Variants in HPN observed in about 807,000 individuals in gnomAD.
HPN encodes serine protease hepsin.
In HPN, 13 loss-of-function variants were observed where a neutral mutation model predicts 55.9. The observed-to-expected ratio is 0.23, with a 90% CI of 0.15 to 0.37. The LOEUF (loss-of-function observed/expected upper bound fraction) is 0.37, where lower values mean the gene tolerates loss of function less well. Ranked by LOEUF, HPN falls within the 10% of genes least tolerant of loss-of-function variation. The pLI is 1.00. For synonymous variants in HPN, 225 were observed against 240.3 expected (o/e 0.94, Z 0.59); for missense variants, 451 against 575.8 (o/e 0.78, Z 2.22).
intron 2 of HPN, among the ~76,000 whole-genome samples, chr19:35,045,347 C>G (rs975867397): frequency 6.6e-6 from 1 of 152,042 alleles, no homozygotes; most frequent in Non-Finnish European, 1.5e-5. Context: ...CGCCTGGTGT[C>G]CCAGAAGTCC....
At chr19:35,043,540 T>A (rs1600375824) in intron 2 of HPN, among the ~76,000 whole-genome samples, 1 of 152,320 alleles carries the variant, frequency 6.6e-6, no homozygotes, top group East Asian at 1.9e-4. Flanking sequence ...TGACAGTGCA[T>A]GTCCAACAGC....
In HPN at chr19:35,041,750, C is replaced by G; in HGVS notation, c.-177C>G. ...AGGCAGCCTGGCCTAGCAGGCCCCA[C>G]GCCACCGCCTCTGCCTCCAGGCCGC... On this transcript the variant is annotated 5_prime_UTR_variant, in exon 1 of 13. Coordinates refer to ENST00000672452, the MANE Select transcript of HPN (RefSeq NM_001384133.1). 3.1e-6 allele frequency: 4 copies of G among 1,276,196 alleles called. No homozygotes were observed. The highest frequency in any genetic ancestry group is 4.1e-6 in the Non-Finnish European group (4 of 984,526). The allele number at this position is 1,276,196 out of a possible 1,614,324, so 79.1% of individuals were successfully genotyped here. A position where few individuals can be genotyped will look rare whatever the true frequency, so the allele number is the denominator to read the frequency against.
In HPN at chr19:35,059,948, AG is replaced by A; in HGVS notation, c.369del (p.Arg124GlyfsTer76). ...NGTSGFFCVDEGRLPHTQRLL... is the reference protein window; with the variant it reads ...NGTSGFFCVDXGRLPHTQRLL... ...ACGTCGGGCTTCTTCTGTGTGGACG[AG>A]GGGAGGCTGCCCCACACCCAGAGGC... On this transcript the variant is annotated frameshift_variant, in exon 6 of 13. Coordinates refer to ENST00000672452, the MANE Select transcript of HPN (RefSeq NM_001384133.1). LOFTEE classifies it high-confidence loss of function. The A allele has an allele frequency of 6.5e-7, 1 of 1,544,928 alleles. No individual in the cohort carries two copies. The highest frequency in any genetic ancestry group is 8.7e-7 in the Non-Finnish European group (1 of 1,146,198).
Position 35,060,712 on chromosome 19 carries a change from G to T in HPN, c.706G>T (p.Ala236Ser). 6.2e-7 allele frequency: 1 copy of T among 1,614,204 alleles called. No individual in the cohort carries two copies. The highest frequency in any genetic ancestry group is 1.6e-4 in the Middle Eastern group (1 of 6,062). The part of the protein sequence containing the change: ...SPHGLQLGVQ[A>S]VVYHGGYLPF... ...CCACGGTCTGCAGCTGGGGGTGCAG[G>T]CTGTGGTCTACCACGGGGGCTATCT... Residue 236 changes from alanine (A) to serine (S), a missense_variant, in exon 9 of 13, where the codon GCT becomes TCT. Around this residue, in one of 2 missense-constraint regions of HPN, gnomAD observed 378 missense variants for 445.5 expected, o/e 0.85. Transcript: ENST00000672452.
chr19:35,059,289 C>T (rs1035340137), intron 4 of HPN: 3 of 355,588 alleles, frequency 8.4e-6, no homozygotes, highest in South Asian at 6.5e-5. Flanking sequence ...TAGCAAGACC[C>T]GTCTCTACAA....
chr19:35,063,583 C>T (rs936026626), intron 9 of HPN, among the ~76,000 whole-genome samples: 7 of 152,188 alleles, frequency 4.6e-5, no homozygotes, highest in African/African-American at 1.2e-4. Context: ...GTGGCAGGCA[C>T]CTGTAGTCTC....
chr19:35,065,637 A>G lies in HPN; in HGVS notation c.1006A>G (p.Met336Val), dbSNP rs1218177816. The change falls in exon 11 of 13, where the codon ATG becomes GTG. Residue 336 changes from methionine to valine, a missense_variant. Transcript: ENST00000672452. ...CTATGGAAACCAGATCAAGCCCAAG[A>G]TGTTCTGTGCTGGCTACCCCGAGGG... ...DFYGNQIKPK[M>V]FCAGYPEGGI... 2 of 1,614,002 alleles carry G rather than the reference A, an allele frequency of 1.2e-6. No homozygotes were observed. Among genetic ancestry groups the G allele is most frequent in the East Asian group, 2.2e-5 (1 of 44,890 alleles).
chr19:35,054,180 G>C (rs1568359169), intron 4 of HPN, among the ~76,000 whole-genome samples: 1 of 152,202 alleles, frequency 6.6e-6, no homozygotes, highest in Non-Finnish European at 1.5e-5. Flanking sequence ...CACTTGGGGA[G>C]GCCAAGGCAG....
intron 12 of HPN, 54 bp from the exon 13 acceptor site, chr19:35,066,195 G>T: frequency 6.2e-7 from 1 of 1,613,918 alleles, no homozygotes; most frequent in South Asian, 1.1e-5. Flanking sequence ...GGAAGCCAGT[G>T]GTGGGACGTG....
chr19:35,059,934 C>A lies in HPN; in HGVS notation c.351C>A (p.Phe117Leu). 1 of 1,531,796 alleles carries A rather than the reference C, an allele frequency of 6.5e-7. No homozygotes were observed. The highest frequency in any genetic ancestry group is 1.3e-5 in the South Asian group (1 of 77,200). 94.9% of individuals were successfully genotyped at this position (1,531,796 alleles called of 1,614,324 possible). ...CGGGCGCCAATGGCACGTCGGGCTT[C>A]TTCTGTGTGGACGAGGGGAGGCTGC... ...RTAGANGTSG[F>L]FCVDEGRLPH... is the part of the protein sequence containing the mutation. The change falls in exon 6 of 13, where the codon TTC (phenylalanine) becomes TTA (leucine). Residue 117 changes from phenylalanine (F) to leucine (L), a missense_variant. Phe to Leu is a conservative substitution (Grantham distance 22). This residue lies in a region of HPN where 378 missense variants were observed against 445.5 expected (regional missense o/e 0.85). Transcript: ENST00000672452.
rs768682231 is a variant in HPN, at chr19:35,041,825, G to A, written c.-102G>A. 3 of 1,341,854 alleles carry A rather than the reference G, an allele frequency of 2.2e-6. No homozygotes were observed. The highest frequency in any genetic ancestry group is 4.8e-5 in the East Asian group (1 of 20,962). 83.1% of individuals were successfully genotyped at this position (1,341,854 alleles called of 1,614,324 possible). On this transcript the variant is annotated 5_prime_UTR_variant, in exon 1 of 13. Coordinates refer to ENST00000672452, the MANE Select transcript of HPN (RefSeq NM_001384133.1). The stretch of plus-strand genomic sequence containing the variant: ...CCTGCCCAGGCCTGGAGACTGACCC[G>A]ACCCCGGCACTACCTCGAGGCTCCG...
At chr19:35,054,243 C>T (rs748939622) in intron 4 of HPN, among the ~76,000 whole-genome samples, 6 of 152,096 alleles carry the variant, frequency 3.9e-5, no homozygotes, top group African/African-American at 7.2e-5. Flanking sequence ...CATGGTGAAA[C>T]GCTGTTTCTA....
chr19:35,046,567 A>T (rs1052335737), intron 2 of HPN, among the ~76,000 whole-genome samples: 9 of 151,964 alleles, frequency 5.9e-5, no homozygotes, highest in Non-Finnish European at 1.2e-4. Flanking sequence ...TTCTTAAGAC[A>T]CCCAGATAAT....
At chr19:35,048,082 A>AAAGAAAGAAAGAAAGAAAAGG (rs1555723027) in intron 2 of HPN, among the ~76,000 whole-genome samples, 1 of 96,984 alleles carries the variant, frequency 1.0e-5, no homozygotes, top group Non-Finnish European at 2.1e-5. Flanking sequence ...GAAAGAAAGA[A>AAAGAAAGAAAGAAAGAAAAGG]AAGGAAGGAA....
chr19:35,047,625 G>A (rs193181792), intron 2 of HPN, among the ~76,000 whole-genome samples: 1 of 149,518 alleles, frequency 6.7e-6, no homozygotes, highest in East Asian at 2.0e-4. Context: ...TTATGTTCCC[G>A]GAACCTAGAA....
rs200103976 is a variant in HPN, at chr19:35,059,728, G to A, written c.216G>A (p.Thr72=). ...RLMVFDKTEG[T]WRLLCSSRSN... ...TGGTCTTTGACAAGACGGAAGGGAC[G>A]TGGCGGCTGCTGTGCTCCTCGCGCT... The change falls in exon 5 of 13, where the codon ACG becomes ACA. Residue 72 remains threonine (T), a synonymous_variant. Transcript: ENST00000672452. 1.4e-5 allele frequency: 22 copies of A among 1,597,794 alleles called. No individual in the cohort carries two copies. In the South Asian group the frequency reaches 1.6e-4, roughly 12 times the overall value.
chr19:35,065,214 C>A, intron 9 of HPN, 36 bp from the exon 10 acceptor site: 2 of 1,507,984 alleles, frequency 1.3e-6, no homozygotes, highest in East Asian at 2.3e-5. Context: ...GTGGGGCAGG[C>A]CAGCGGGGGC....
At chr19:35,060,855 G>C in intron 9 of HPN, 38 bp downstream of exon 9, 26 of 1,510,474 alleles carry the variant, frequency 1.7e-5, no homozygotes, top group Non-Finnish European at 2.2e-5. Context: ...TTGAGGACCC[G>C]AGGCCAGGAG....
At chr19:35,063,992 ATTG>A (rs921290731) in intron 9 of HPN, among the ~76,000 whole-genome samples, 4 of 152,212 alleles carry the variant, frequency 2.6e-5, no homozygotes, top group Admixed American at 2.0e-4. Flanking sequence ...AATTGCTACT[ATTG>A]TTGTTTAATA....
Sources: gnomAD v4.1 joint callset for allele counts (sites outside exome capture counted in the v4.1 genomes callset) on GRCh38, gnomAD v4.1.1 for gene constraint, gnomAD v4.1.1 regional missense constraint, MANE v1.5 for transcripts, NCBI Gene and HGNC (gene_info 2026-07-23, HGNC 2026-07-21) for gene names.